CARM1: variants seen among roughly 807,000 people sequenced by gnomAD.
CARM1 encodes the protein coactivator associated arginine methyltransferase 1.
Under a neutral mutation model 72.7 loss-of-function variants are expected in CARM1, and 14 were observed. That is an observed-to-expected ratio of 0.19 (90% CI 0.13 to 0.30). The LOEUF is 0.30. Ranked by LOEUF, CARM1 falls within the 10% of genes least tolerant of loss-of-function variation. The pLI, the probability that CARM1 is intolerant of heterozygous loss-of-function variation, is 1.00. For synonymous variants in CARM1, 333 were observed against 345.5 expected (o/e 0.96, Z 0.40); for missense variants, 432 against 833.7 (o/e 0.52, Z 5.93).
intron 1 of CARM1, among the ~76,000 whole-genome samples, chr19:10,902,606 G>A (rs1050189329): frequency 7.1e-6 from 1 of 141,198 alleles, no homozygotes; most frequent in Non-Finnish European, 1.5e-5. Flanking sequence ...ACTGTGCCCA[G>A]ACTTTTTTTT....
At chr19:10,906,917 T>G (rs1312594571) in intron 2 of CARM1, among the ~76,000 whole-genome samples, 1 of 144,948 alleles carries the variant, frequency 6.9e-6, no homozygotes, top group African/African-American at 2.5e-5. Flanking sequence ...TTTATTTTAT[T>G]TTATTTTGAG....
intron 3 of CARM1, chr19:10,908,736 CTGAGT>C (rs2074123026): frequency 4.6e-6 from 1 of 215,062 alleles, no homozygotes; most frequent in Non-Finnish European, 9.5e-6. Flanking sequence ...GCCTGGCGCT[CTGAGT>C]TCTAGGGCTC....
intron 1 of CARM1, among the ~76,000 whole-genome samples, chr19:10,886,909 C>T (rs984192320): frequency 3.3e-5 from 5 of 152,218 alleles, no homozygotes; most frequent in Non-Finnish European, 7.4e-5. Flanking sequence ...CTTGCCTCAG[C>T]CTCTCAAGTA....
Position 10,912,023 on chromosome 19 carries a change from T to C in CARM1, c.559-161T>C, listed in dbSNP as rs1224394202. On this transcript the variant is annotated intron_variant, in intron 4 of 15. Coordinates refer to ENST00000327064, the MANE Select transcript of CARM1 (RefSeq NM_199141.2). The surrounding 1 kb of genome is among the most constrained non-coding windows in gnomAD (Gnocchi z 4.5). Reference sequence around the variant, plus strand: ...TCCTCCCGGAGGACTGGCCCATGGCTCATCTTGAGTTCTCGCTTCATTTTG... The same window carrying C: ...TCCTCCCGGAGGACTGGCCCATGGCCCATCTTGAGTTCTCGCTTCATTTTG... Among the ~76,000 whole-genome samples the C allele has an allele frequency of 6.6e-6, 1 of 152,124 alleles. No homozygotes were observed. Among genetic ancestry groups the C allele is most frequent in the Non-Finnish European group, 1.5e-5 (1 of 68,004 alleles).
chr19:10,876,963 A>G (rs993156898), intron 1 of CARM1, among the ~76,000 whole-genome samples: 1 of 152,226 alleles, frequency 6.6e-6, no homozygotes, highest in Non-Finnish European at 1.5e-5. Context: ...AAGCTTACAC[A>G]GCAGCATGGG....
Position 10,899,133 on chromosome 19 carries a change from G to A in CARM1, c.221-5818G>A, listed in dbSNP as rs573138227. Among the ~76,000 whole-genome samples, 6 of 150,348 alleles carry A rather than the reference G, an allele frequency of 4.0e-5. No homozygotes were observed. In the East Asian group the frequency reaches 8.0e-4, roughly 20 times the overall value. On this transcript the variant is annotated intron_variant, in intron 1 of 15. Coordinates refer to ENST00000327064, the MANE Select transcript of CARM1 (RefSeq NM_199141.2). ...AAAGCTGTGACTTTGAGAAGCTGCC[G>A]GCTCCGCGGGCTTTAGCAGCTGCTG...
intron 2 of CARM1, among the ~76,000 whole-genome samples, chr19:10,906,423 G>A (rs923632268): frequency 5.9e-5 from 9 of 152,268 alleles, no homozygotes; most frequent in African/African-American, 1.9e-4. Flanking sequence ...TGTCACTACC[G>A]CCCATCTCCA....
At chr19:10,917,847 A>C (rs941521661) in intron 8 of CARM1, among the ~76,000 whole-genome samples, 1 of 150,544 alleles carries the variant, frequency 6.6e-6, no homozygotes, top group African/African-American at 2.5e-5. Flanking sequence ...AGTAGCTGGG[A>C]GTACAGGCGC....
In CARM1 at chr19:10,898,062, T is replaced by C. The variant is rs370504004; in HGVS notation, c.221-6889T>C. 2.7e-5 allele frequency among the ~76,000 whole-genome samples: 4 copies of C among 149,740 alleles called. No individual in the cohort carries two copies. The East Asian group carries it at 5.8e-4, about 22-fold the overall frequency. ...AGTGGAGCCTGCAGTGAGCCAAGATTGCGCCACTGCACTCCAGCCTGGGAG... is the reference window on the plus strand; with the variant it reads ...AGTGGAGCCTGCAGTGAGCCAAGATCGCGCCACTGCACTCCAGCCTGGGAG... On this transcript the variant is annotated intron_variant, in intron 1 of 15. Transcript: ENST00000327064.
chr19:10,887,865 G>C (rs1347211273), intron 1 of CARM1, among the ~76,000 whole-genome samples: 11 of 152,142 alleles, frequency 7.2e-5, no homozygotes, highest in Non-Finnish European at 1.6e-4. Flanking sequence ...AGCCTCTCTG[G>C]AGCGCCCCCC....
At chr19:10,905,205 AC>A (rs1233054604) in intron 2 of CARM1, 129 bp downstream of exon 2, 1 of 1,097,300 alleles carries the variant, frequency 9.1e-7, no homozygotes, top group African/African-American at 1.6e-5. Context: ...CCTCAAAACC[AC>A]ATTCCCACAT....
intron 3 of CARM1, among the ~76,000 whole-genome samples, 156 bp downstream of exon 3, chr19:10,908,301 T>G (rs918024070): frequency 1.9e-4 from 29 of 152,210 alleles, no homozygotes; most frequent in African/African-American, 7.0e-4. Flanking sequence ...TTTCCTCTGC[T>G]GGCTGGGCCT....
chr19:10,882,909 G>A (rs1163573782), intron 1 of CARM1, among the ~76,000 whole-genome samples: 1 of 152,098 alleles, frequency 6.6e-6, no homozygotes, highest in Non-Finnish European at 1.5e-5. Context: ...AAGTGGTCTA[G>A]GGAGCACCTT....
rs745794038 is a variant in CARM1, at chr19:10,921,766, C to T, written c.*9C>T. Reference sequence around the variant, plus strand: ...TGCACTACGGGAGCTAGGGGCCCGCCCCGCGGACTGACAGCACCAGGAAAC... The same window carrying T: ...TGCACTACGGGAGCTAGGGGCCCGCTCCGCGGACTGACAGCACCAGGAAAC... On this transcript the variant is annotated 3_prime_UTR_variant, in exon 16 of 16. Coordinates refer to ENST00000327064, the MANE Select transcript of CARM1 (RefSeq NM_199141.2). The T allele has an allele frequency of 5.7e-6, 9 of 1,575,556 alleles. No individual in the cohort carries two copies. The highest frequency in any genetic ancestry group is 1.8e-5 in the Admixed American group (1 of 54,932).
At position 10,921,454 on chromosome 19, in the gene CARM1, T is replaced by G; in HGVS notation, c.1684+11T>G. ...CGGGGATTGTCCAAGGTAACGAGGG[T>G]GGCGGGGGCAGGGCCCGTGGGGGCC... On this transcript the variant is annotated intron_variant, in intron 15 of 15. Transcript: ENST00000327064. 6.3e-7 allele frequency: 1 copy of G among 1,597,670 alleles called. No individual in the cohort carries two copies. The highest frequency in any genetic ancestry group is 8.5e-7 in the Non-Finnish European group (1 of 1,171,376).
intron 1 of CARM1, among the ~76,000 whole-genome samples, chr19:10,876,859 C>T (rs985861715): frequency 2.3e-4 from 35 of 152,358 alleles, no homozygotes; most frequent in African/African-American, 7.5e-4. Flanking sequence ...AGCCCTGTGG[C>T]GCTCTTTCTG....
Position 10,912,316 on chromosome 19 carries a change from A to G in CARM1, c.669+22A>G, listed in dbSNP as rs1599706579. On this transcript the variant is annotated intron_variant, in intron 5 of 15. Transcript: ENST00000327064. This position sits in a 1 kb window ranked among gnomAD's most constrained non-coding sequence, Gnocchi z 4.5. Reference sequence around the variant, plus strand: ...TGAGGTCAGTGGCCCGCTGGTGCCCACCCAGCCTCGTCCTCGCCCATGAGT... The same window carrying G: ...TGAGGTCAGTGGCCCGCTGGTGCCCGCCCAGCCTCGTCCTCGCCCATGAGT... 1.9e-6 allele frequency: 3 copies of G among 1,568,098 alleles called. No individual in the cohort carries two copies. Among genetic ancestry groups the G allele is most frequent in the Non-Finnish European group, 2.6e-6 (3 of 1,139,642 alleles).
chr19:10,890,455 A>G (rs1230581097), intron 1 of CARM1, among the ~76,000 whole-genome samples: 1 of 151,266 alleles, frequency 6.6e-6, no homozygotes, highest in Non-Finnish European at 1.5e-5. Flanking sequence ...TTTAGTAGAG[A>G]TGGGGTTTTA....
chr19:10,901,418 GCAAT>G (rs2074064443), intron 1 of CARM1, among the ~76,000 whole-genome samples: 1 of 152,106 alleles, frequency 6.6e-6, no homozygotes, highest in Admixed American at 6.5e-5. Context: ...CCGGGCTCAA[GCAAT>G]CCTTCCACCT....
Sources: allele counts gnomAD v4.1 joint callset (sites outside exome capture counted in the v4.1 genomes callset), GRCh38; gene constraint gnomAD v4.1.1; non-coding constraint Gnocchi (gnomAD v3.1); transcripts MANE v1.5; gene names NCBI Gene and HGNC (gene_info 2026-07-23, HGNC 2026-07-21).